KIAA1328: variants seen among roughly 807,000 people sequenced by gnomAD.
The protein encoded by KIAA1328 is KIAA1328.
In KIAA1328, 52 loss-of-function variants were observed where a neutral mutation model predicts 68.1. That is an observed-to-expected ratio of 0.76 (90% CI 0.61 to 0.96). KIAA1328 has a LOEUF of 0.96. KIAA1328 is among the 40% of genes least tolerant of loss of function. The probability of loss-of-function intolerance (pLI) is 0.00; values close to 1 mark genes in which losing one functional copy is unlikely to be tolerated. For synonymous variants in KIAA1328, 232 were observed against 239.4 expected, an observed-to-expected ratio of 0.97 and a Z score of 0.28; for missense variants, 641 against 677.6, an observed-to-expected ratio of 0.95 and a Z score of 0.60.
At chr18:37,144,492 CTCTT>C in intron 7 of KIAA1328, among the ~76,000 whole-genome samples, 1 of 151,958 alleles carries the variant, frequency 6.6e-6, no homozygotes, top group Non-Finnish European at 1.5e-5. Context: ...TGATTTTAAA[CTCTT>C]TTCTAATACC....
intron 8 of KIAA1328, among the ~76,000 whole-genome samples, chr18:37,170,196 A>AT (rs888268819): frequency 1.2e-4 from 18 of 152,056 alleles, no homozygotes; most frequent in African/African-American, 3.6e-4. Flanking sequence ...CCAGTTTGGT[A>AT]TTTTTTTAAT....
chr18:37,089,025 T>C (rs2057188755), intron 7 of KIAA1328, among the ~76,000 whole-genome samples: 3 of 152,146 alleles, frequency 2.0e-5, no homozygotes, highest in African/African-American at 7.2e-5. Context: ...GAAATCAAAT[T>C]GAACACTTTT....
At chr18:37,091,504 G>C (rs527970772) in intron 7 of KIAA1328, among the ~76,000 whole-genome samples, 1 of 152,044 alleles carries the variant, frequency 6.6e-6, no homozygotes, top group South Asian at 2.1e-4. Context: ...AGTTCTTATG[G>C]GCCTTAAGAC....
intron 9 of KIAA1328, among the ~76,000 whole-genome samples, chr18:37,208,333 T>C (rs1388030050): frequency 1.3e-5 from 2 of 152,176 alleles, no homozygotes; most frequent in East Asian, 3.9e-4. Context: ...GTAGTTTTAA[T>C]TTATGACAAG....
intron 6 of KIAA1328, among the ~76,000 whole-genome samples, chr18:37,006,726 G>A (rs886394506): frequency 6.6e-6 from 1 of 151,792 alleles, no homozygotes; most frequent in Non-Finnish European, 1.5e-5. Context: ...CATTTTTAAA[G>A]CTTTAAAAAT....
intron 6 of KIAA1328, among the ~76,000 whole-genome samples, chr18:36,967,833 T>A (rs1568229074): frequency 6.6e-6 from 1 of 152,130 alleles, no homozygotes. Context: ...CAACTCACTC[T>A]TATCATGGGC....
chr18:37,013,369 T>G (rs1316477721), intron 6 of KIAA1328, among the ~76,000 whole-genome samples: 1 of 152,142 alleles, frequency 6.6e-6, no homozygotes, highest in African/African-American at 2.4e-5. Context: ...CAACTTTTAT[T>G]TTTATGGGGT....
intron 9 of KIAA1328, among the ~76,000 whole-genome samples, chr18:37,219,910 C>T (rs1225667446): frequency 3.9e-5 from 6 of 152,086 alleles, no homozygotes; most frequent in South Asian, 2.1e-4. Flanking sequence ...TCTTCTTTGT[C>T]GATCACACTG....
intron 7 of KIAA1328, among the ~76,000 whole-genome samples, chr18:37,114,022 A>G (rs1367183005): frequency 6.6e-6 from 1 of 152,192 alleles, no homozygotes; most frequent in East Asian, 1.9e-4. Flanking sequence ...GTCCTTAGAG[A>G]CCTACAAAGA....
intron 6 of KIAA1328, among the ~76,000 whole-genome samples, chr18:36,983,914 G>A (rs1422045169): frequency 1.3e-5 from 2 of 152,040 alleles, no homozygotes; most frequent in African/African-American, 2.4e-5. Flanking sequence ...TCCTTATTTA[G>A]TGCCATTTAC....
chr18:36,835,026 CA>C (rs745922659), intron 2 of KIAA1328, among the ~76,000 whole-genome samples: 15 of 152,002 alleles, frequency 9.9e-5, no homozygotes, highest in Non-Finnish European at 2.1e-4. Flanking sequence ...AATATAAAAA[CA>C]AATTTCAATT....
intron 1 of KIAA1328, among the ~76,000 whole-genome samples, chr18:36,831,336 C>T (rs2046485145): frequency 6.6e-6 from 1 of 151,986 alleles, no homozygotes; most frequent in Non-Finnish European, 1.5e-5. Context: ...GTGAGTTATA[C>T]ATCTCCTGCA....
chr18:37,153,187 A>G (rs1039149858), intron 7 of KIAA1328, among the ~76,000 whole-genome samples: 1 of 152,116 alleles, frequency 6.6e-6, no homozygotes, highest in African/African-American at 2.4e-5. Context: ...ACAAAACCCC[A>G]TGCATTTAAC....
intron 7 of KIAA1328, among the ~76,000 whole-genome samples, chr18:37,133,276 G>T (rs1443714534): frequency 6.6e-6 from 1 of 151,162 alleles, no homozygotes; most frequent in Non-Finnish European, 1.5e-5. Flanking sequence ...AGGTTGCAGT[G>T]AGTGGAGGTC....
intron 7 of KIAA1328, among the ~76,000 whole-genome samples, chr18:37,119,084 A>G (rs1485820): frequency 0.4 from 61,540 of 152,090 alleles, 14,315 homozygotes; most frequent in African/African-American, 0.64. Flanking sequence ...TTGATCAGAA[A>G]CAATGCTATG....
chr18:37,228,777 G>A (rs902659747), downstream of KIAA1328, among the ~76,000 whole-genome samples: 5 of 151,284 alleles, frequency 3.3e-5, no homozygotes, highest in East Asian at 2.0e-4. Flanking sequence ...CTGAGATTGC[G>A]CCACTGCACT....
At chr18:37,198,329 C>G (rs1235007956) in intron 9 of KIAA1328, among the ~76,000 whole-genome samples, 1 of 152,124 alleles carries the variant, frequency 6.6e-6, no homozygotes, top group Non-Finnish European at 1.5e-5. Context: ...ATACTTTTCT[C>G]TATGTTTTAC....
intron 7 of KIAA1328, among the ~76,000 whole-genome samples, chr18:37,114,567 A>G (rs898730169): frequency 2.0e-5 from 3 of 152,242 alleles, no homozygotes; most frequent in African/African-American, 7.2e-5. Flanking sequence ...GGAAAGATCT[A>G]AAACTGACAA....
At position 37,076,582 on chromosome 18, in the gene KIAA1328, G is replaced by T. The variant is rs4799437; in HGVS notation, c.1232+9037G>T. Among the ~76,000 whole-genome samples the T allele has an allele frequency of 7.3e-5, 11 of 150,602 alleles. No individual in the cohort carries two copies. In the East Asian group the frequency reaches 2.1e-3, roughly 29 times the overall value. On this transcript the variant is annotated intron_variant, in intron 7 of 9. Transcript: ENST00000280020. ...AAAGGATCAACAAAATTGATAGACC[G>T]CTAGCAAGACTAATAAAGAAGAAAA... is the stretch of plus-strand genomic sequence containing the variant.
Sources: allele counts gnomAD v4.1 joint callset (sites outside exome capture counted in the v4.1 genomes callset), GRCh38; gene constraint gnomAD v4.1.1; transcripts MANE v1.5; gene names NCBI Gene and HGNC (gene_info 2026-07-23, HGNC 2026-07-21).